The following PSD3 variants were observed in gnomAD, a reference collection of about 807,000 sequenced individuals.
PSD3 encodes PH and SEC7 domain-containing protein 3.
PSD3 carries 49 observed loss-of-function variants against 105.5 expected under a neutral mutation model. The observed-to-expected ratio is 0.46, with a 90% CI of 0.37 to 0.59. PSD3 has a LOEUF of 0.59. Among genes scored for constraint, PSD3 ranks in the 20% least tolerant of loss-of-function variants. The probability of loss-of-function intolerance (pLI) is 0.00; values close to 1 mark genes in which losing one functional copy is unlikely to be tolerated. For missense variants in PSD3, 1,561 were observed against 1,263.8 expected (o/e 1.24, Z -3.57); for synonymous variants, 557 against 457.8 (o/e 1.22, Z -2.77).
chr8:18,682,199 G>T (rs1800427900), intron 9 of PSD3, among the ~76,000 whole-genome samples: 1 of 152,218 alleles, frequency 6.6e-6, no homozygotes, highest in Middle Eastern at 3.4e-3. Context: ...TTATCATGAG[G>T]ATAGGTAGTA....
At chr8:18,955,409 T>G (rs986537413) in intron 1 of PSD3, among the ~76,000 whole-genome samples, 1 of 152,238 alleles carries the variant, frequency 6.6e-6, no homozygotes, top group Non-Finnish European at 1.5e-5. Flanking sequence ...TGTCTTTGTC[T>G]ATTTTAATAA....
At chr8:18,625,146 C>T (rs1218245462) in intron 11 of PSD3, among the ~76,000 whole-genome samples, 1 of 151,380 alleles carries the variant, frequency 6.6e-6, no homozygotes, top group Non-Finnish European at 1.5e-5. Context: ...TATCTTTAAT[C>T]TACGTGAAAC....
intron 4 of PSD3, among the ~76,000 whole-genome samples, chr8:18,853,048 G>C (rs1466949895): frequency 6.6e-6 from 1 of 152,130 alleles, no homozygotes; most frequent in Non-Finnish European, 1.5e-5. Context: ...ATGGGCCTAT[G>C]ACTCCTAAGT....
intron 15 of PSD3, among the ~76,000 whole-genome samples, chr8:18,552,151 T>C (rs1468684327): frequency 6.6e-6 from 1 of 152,196 alleles, no homozygotes; most frequent in Non-Finnish European, 1.5e-5. Flanking sequence ...CTAACAGGCT[T>C]TACAATGACC....
chr8:18,955,604 G>T (rs1213868583), intron 1 of PSD3, among the ~76,000 whole-genome samples: 3 of 151,864 alleles, frequency 2.0e-5, no homozygotes, highest in Non-Finnish European at 4.4e-5. Flanking sequence ...AAATCTCCTA[G>T]AGGAGACAAC....
At position 18,596,196 on chromosome 8, in the gene PSD3, T is replaced by A. The variant is rs76065480; in HGVS notation, c.2481+4168A>T. Among the ~76,000 whole-genome samples the A allele has an allele frequency of 1.8e-3, 270 of 152,008 alleles. 6 individuals carry two copies. The East Asian group carries it at 0.027, about 15-fold the overall frequency. ...ATCAAAAAGGAAATTGGACAATAAT[T>A]TGAGACCAACAAAAATGGACAAACA... On this transcript the variant is annotated intron_variant, in intron 12 of 15. Transcript: ENST00000327040.
chr8:19,036,747 A>T (rs1246334470), intron 1 of PSD3, among the ~76,000 whole-genome samples: 1 of 152,208 alleles, frequency 6.6e-6, no homozygotes. Context: ...TATGTAATGA[A>T]TTAAATGGAC....
At chr8:18,985,559 A>G (rs1825459352) in intron 1 of PSD3, among the ~76,000 whole-genome samples, 1 of 152,202 alleles carries the variant, frequency 6.6e-6, no homozygotes, top group Non-Finnish European at 1.5e-5. Context: ...TAAGTCTGAG[A>G]TACTTGGGGA....
At chr8:18,910,734 A>C (rs1454877834) in intron 2 of PSD3, among the ~76,000 whole-genome samples, 1 of 151,918 alleles carries the variant, frequency 6.6e-6, no homozygotes, top group Non-Finnish European at 1.5e-5. Context: ...GTGGTATGCC[A>C]AGATCCATAA....
intron 10 of PSD3, among the ~76,000 whole-genome samples, chr8:18,637,717 A>AT (rs1807369267): frequency 6.6e-6 from 1 of 152,136 alleles, no homozygotes; most frequent in Admixed American, 6.5e-5. Context: ...TCTATATTTT[A>AT]TTTTTACAAT....
intron 4 of PSD3, among the ~76,000 whole-genome samples, chr8:18,861,351 C>T (rs1816427381): frequency 6.6e-6 from 1 of 152,176 alleles, no homozygotes; most frequent in East Asian, 1.9e-4. Flanking sequence ...AGCCCCTCCT[C>T]ACAGTCCCAT....
At position 18,534,420 on chromosome 8, in the gene PSD3, T is replaced by C. The variant is rs1434313010; in HGVS notation, c.*1323A>G. 1 of 152,616 alleles carries C rather than the reference T, an allele frequency of 6.6e-6. No individual in the cohort carries two copies. Among genetic ancestry groups the C allele is most frequent in the African/African-American group, 2.4e-5 (1 of 41,454 alleles). 9.5% of individuals were successfully genotyped at this position (152,616 alleles called of 1,614,324 possible). ...TTATCACCCTGAACTTCAAAGGGAC[T>C]GTAACTGGAACAAGCTCATGACTGC... On this transcript the variant is annotated 3_prime_UTR_variant, in exon 16 of 16. Transcript: ENST00000327040.
chr8:18,670,042 T>C (rs1799688977), intron 9 of PSD3, among the ~76,000 whole-genome samples: 1 of 152,148 alleles, frequency 6.6e-6, no homozygotes, highest in Non-Finnish European at 1.5e-5. Context: ...ATGACGATAA[T>C]TCTGTCACTT....
chr8:18,877,277 C>T (rs1817786618), intron 2 of PSD3, among the ~76,000 whole-genome samples: 1 of 152,180 alleles, frequency 6.6e-6, no homozygotes, highest in Non-Finnish European at 1.5e-5. Context: ...ACGTTGTCTT[C>T]TAAGAGTTTT....
chr8:18,629,716 A>C (rs913542437), intron 11 of PSD3, among the ~76,000 whole-genome samples: 1 of 152,026 alleles, frequency 6.6e-6, no homozygotes, highest in Non-Finnish European at 1.5e-5. Context: ...TAATACGAGA[A>C]GCAATTACTG....
chr8:19,031,007 T>C (rs1266026534), intron 1 of PSD3, among the ~76,000 whole-genome samples: 1 of 152,208 alleles, frequency 6.6e-6, no homozygotes, highest in African/African-American at 2.4e-5. Flanking sequence ...AAAGGAAGAC[T>C]ACATTTCCCA....
At chr8:18,867,589 A>T (rs1346258457) in intron 4 of PSD3, 85 bp downstream of exon 4, 2 of 1,475,074 alleles carry the variant, frequency 1.4e-6, no homozygotes, top group Non-Finnish European at 1.8e-6. Context: ...CAAATGATTT[A>T]AATATATATT....
chr8:18,770,233 C>CT (rs1807389009), intron 8 of PSD3, among the ~76,000 whole-genome samples: 1 of 152,222 alleles, frequency 6.6e-6, no homozygotes, highest in Admixed American at 6.5e-5. Context: ...TGACCCTCAG[C>CT]TTTTTTTCAT....
At chr8:18,782,274 C>A (rs1401139850) in intron 8 of PSD3, among the ~76,000 whole-genome samples, 1 of 151,988 alleles carries the variant, frequency 6.6e-6, no homozygotes, top group African/African-American at 2.4e-5. Flanking sequence ...TATATCTATG[C>A]ATCTGGTGTA....
Sources: gnomAD v4.1 joint callset for allele counts (sites outside exome capture counted in the v4.1 genomes callset) on GRCh38, gnomAD v4.1.1 for gene constraint, MANE v1.5 for transcripts, NCBI Gene and HGNC (gene_info 2026-07-23, HGNC 2026-07-21) for gene names.